Variants in UPF2 observed in about 807,000 individuals in gnomAD.
UPF2 encodes the protein UPF2 regulator of nonsense mediated mRNA decay, also known as regulator of nonsense transcripts 2.
UPF2 carries 17 observed loss-of-function variants against 141.4 expected under a neutral mutation model. The ratio of observed to expected loss-of-function variants is 0.12; its 90% confidence interval spans 0.08 to 0.18. The LOEUF (loss-of-function observed/expected upper bound fraction) is 0.18, where lower values mean the gene tolerates loss of function less well. Ranked by LOEUF, UPF2 falls within the 10% of genes least tolerant of loss-of-function variation. UPF2 has a pLI of 1.00. For synonymous variants in UPF2, 540 were observed against 498.0 expected (o/e 1.08, Z -1.12); for missense variants, 1,152 against 1,515.9 (o/e 0.76, Z 3.99).
At chr10:11,946,185 C>T (rs148524890) in intron 16 of UPF2, among the ~76,000 whole-genome samples, 1,774 of 152,232 alleles carry the variant, frequency 0.012, 21 homozygotes, top group Non-Finnish European at 0.016. Flanking sequence ...CTTTTCACAA[C>T]CAATCCTTTT....
intron 9 of UPF2, among the ~76,000 whole-genome samples, chr10:11,976,058 G>C (rs1833502593): frequency 6.6e-6 from 1 of 152,184 alleles, no homozygotes; most frequent in South Asian, 2.1e-4. Context: ...AGCTTCACCA[G>C]ATTCCCACCT....
chr10:11,974,316 T>C (rs113252123), intron 9 of UPF2, among the ~76,000 whole-genome samples: 8,543 of 152,256 alleles, frequency 0.056, 319 homozygotes, highest in Non-Finnish European at 0.085. Flanking sequence ...GATCATGTCA[T>C]CTGCAAACAG....
chr10:11,950,501 T>G (rs1051152448), intron 15 of UPF2, among the ~76,000 whole-genome samples: 14 of 152,358 alleles, frequency 9.2e-5, no homozygotes, highest in Admixed American at 8.5e-4. Context: ...TACCTCCATA[T>G]TCTAAACAAG....
chr10:11,926,691 G>A (rs1033487000), intron 21 of UPF2, among the ~76,000 whole-genome samples: 4 of 142,104 alleles, frequency 2.8e-5, no homozygotes, highest in African/African-American at 1.0e-4. Flanking sequence ...GGACTGAGAA[G>A]GTGACAGGAG....
rs141331265 is a variant in UPF2 at position 11,956,391 on chromosome 10, C to G, written c.2503G>C (p.Val835Leu). The G allele has an allele frequency of 4.3e-6, 7 of 1,614,038 alleles. No individual in the cohort carries two copies. Among genetic ancestry groups the G allele is most frequent in the Non-Finnish European group, 5.9e-6 (7 of 1,180,022 alleles). Residue 835 changes from valine to leucine, a missense_variant, in exon 13 of 22, where the codon GTG becomes CTG. Physicochemically the swap from Val to Leu is conservative, Grantham distance 32. This residue lies in a region of UPF2 where 739 missense variants were observed against 1,032.2 expected (regional missense o/e 0.72). Transcript: ENST00000357604. The surrounding 1 kb of genome is among the most constrained non-coding windows in gnomAD (Gnocchi z 4.2). ...ATCCCAACATCCTCTTGGTAGAGCA[C>G]TAGTCCTGCTAAGAGGTTGGCTACA... ...HCVANLLAGL[V>L]LYQEDVGIHV...
rs567384146 is a variant in UPF2, at chr10:11,984,798, C to T, written c.1845-5633G>A. Among the ~76,000 whole-genome samples the T allele has an allele frequency of 7.9e-5, 12 of 152,214 alleles. No individual in the cohort carries two copies. The South Asian group carries it at 1.0e-3, about 13-fold the overall frequency. On this transcript the variant is annotated intron_variant, in intron 8 of 21. Transcript: ENST00000357604. ...CAGGATCTCAGCTCACTGCAACCTC[C>T]GCCTCCCAGGTTCGAGTGATTCTCC... is the stretch of plus-strand genomic sequence containing the variant.
chr10:12,014,247 T>C lies in UPF2; in HGVS notation c.1146-63A>G. 1 of 1,290,772 alleles carries C rather than the reference T, an allele frequency of 7.7e-7. No homozygotes were observed. The highest frequency in any genetic ancestry group is 1.0e-6 in the Non-Finnish European group (1 of 1,004,602). The allele number at this position is 1,290,772 out of a possible 1,614,324, so 80.0% of individuals were successfully genotyped here. A position where few individuals can be genotyped will look rare whatever the true frequency, so the allele number is the denominator to read the frequency against. Reference sequence around the variant, plus strand: ...ATAGATGTGATCACAAATTGTTATATATGGGAAACATTCCATAATTTGATT... The same window carrying C: ...ATAGATGTGATCACAAATTGTTATACATGGGAAACATTCCATAATTTGATT... On this transcript the variant is annotated intron_variant, in intron 3 of 21. Coordinates refer to ENST00000357604, the MANE Select transcript of UPF2 (RefSeq NM_015542.4). The surrounding 1 kb of genome is among the most constrained non-coding windows in gnomAD (Gnocchi z 5.0).
At chr10:11,930,054 G>A (rs1048075634) in intron 20 of UPF2, 69 bp from the exon 21 acceptor site, 27 of 1,597,466 alleles carry the variant, frequency 1.7e-5, no homozygotes, top group East Asian at 4.5e-5. Context: ...CAGAGTGAAC[G>A]AAATGTTGGG....
At chr10:11,955,669 TTC>T (rs1833137478) in intron 13 of UPF2, among the ~76,000 whole-genome samples, 162 bp from the exon 14 acceptor site, 2 of 152,348 alleles carry the variant, frequency 1.3e-5, no homozygotes, top group South Asian at 2.1e-4. Context: ...AGGTGTCCTT[TTC>T]TCTCTCTAGG....
chr10:11,942,541 T>G (rs560205559), intron 18 of UPF2, 124 bp downstream of exon 18: 1 of 774,056 alleles, frequency 1.3e-6, no homozygotes, highest in Admixed American at 2.6e-5. Flanking sequence ...TGTCTACACA[T>G]GATCTAGCAA....
Position 11,927,107 on chromosome 10 carries a change from T to G in UPF2, c.3809+2758A>C, listed in dbSNP as rs1043335395. ...CGGCTTCCCTACTGGACCACAACCG[T>G]GCAGGTAAAGACCCTGTCTTGTACT... is the stretch of plus-strand genomic sequence containing the variant. On this transcript the variant is annotated intron_variant, in intron 21 of 21. Transcript: ENST00000357604. 3.9e-5 allele frequency among the ~76,000 whole-genome samples: 6 copies of G among 152,210 alleles called. No individual in the cohort carries two copies. In the South Asian group the frequency reaches 1.2e-3, roughly 31 times the overall value.
intron 16 of UPF2, among the ~76,000 whole-genome samples, chr10:11,945,412 T>A (rs1406548559): frequency 6.6e-6 from 1 of 152,218 alleles, no homozygotes; most frequent in Non-Finnish European, 1.5e-5. Context: ...CTTTAATAAA[T>A]TTCTCCTCCT....
intron 3 of UPF2, among the ~76,000 whole-genome samples, chr10:12,023,301 C>G (rs1834349545): frequency 6.6e-6 from 1 of 152,014 alleles, no homozygotes; most frequent in Non-Finnish European, 1.5e-5. Context: ...TCCAAATAGG[C>G]AAATACTACT....
chr10:11,961,741 C>T (rs1041068578), intron 11 of UPF2, among the ~76,000 whole-genome samples: 1 of 152,134 alleles, frequency 6.6e-6, no homozygotes, highest in African/African-American at 2.4e-5. Context: ...ACATGCAATT[C>T]GTATTTAACG....
chr10:11,952,968 T>C (rs1833097182), intron 14 of UPF2, among the ~76,000 whole-genome samples: 1 of 152,220 alleles, frequency 6.6e-6, no homozygotes. Context: ...GCTTTGATTT[T>C]TGAAGAGTTA....
chr10:11,997,576 A>G (rs1833884380), intron 8 of UPF2, 96 bp downstream of exon 8: 1 of 1,123,698 alleles, frequency 8.9e-7, no homozygotes, highest in Non-Finnish European at 1.3e-6. Flanking sequence ...AGTGAATAAA[A>G]TCAAAAGCAA....
intron 4 of UPF2, among the ~76,000 whole-genome samples, chr10:12,010,824 A>G (rs905612941): frequency 1.3e-5 from 2 of 151,688 alleles, no homozygotes; most frequent in African/African-American, 4.8e-5. Context: ...AAAAATTTTA[A>G]AACAATGAGA....
intron 9 of UPF2, among the ~76,000 whole-genome samples, chr10:11,970,936 T>A (rs976442827): frequency 1.2e-4 from 19 of 152,108 alleles, no homozygotes; most frequent in African/African-American, 4.1e-4. Flanking sequence ...TGGATGCATA[T>A]CCTCTTCATC....
chr10:12,012,993 T>C (rs866573921), intron 4 of UPF2, among the ~76,000 whole-genome samples: 4 of 151,304 alleles, frequency 2.6e-5, no homozygotes, highest in Non-Finnish European at 5.9e-5. Flanking sequence ...GACATGGTGG[T>C]GCACACCTGC....
Sources: allele counts gnomAD v4.1 joint callset (sites outside exome capture counted in the v4.1 genomes callset), GRCh38; gene constraint gnomAD v4.1.1; regional missense constraint gnomAD v4.1.1; non-coding constraint Gnocchi (gnomAD v3.1); transcripts MANE v1.5; gene names NCBI Gene and HGNC (gene_info 2026-07-23, HGNC 2026-07-21).